The following SAMD12 variants were observed in gnomAD, a reference collection of about 807,000 sequenced individuals.
The protein encoded by SAMD12 is sterile alpha motif domain-containing protein 12.
Under a neutral mutation model 15.0 loss-of-function variants are expected in SAMD12, and 9 were observed. The observed-to-expected ratio is 0.60, with a 90% CI of 0.36 to 1.05. SAMD12 has a LOEUF of 1.05. Among genes scored for constraint, SAMD12 ranks in the 50% least tolerant of loss-of-function variants. The pLI is 0.01. For synonymous variants in SAMD12, 86 were observed against 90.1 expected (o/e 0.96, Z 0.25); for missense variants, 230 against 234.2 (o/e 0.98, Z 0.12).
intron 2 of SAMD12, among the ~76,000 whole-genome samples, chr8:118,473,690 T>C (rs1823873606): frequency 6.6e-6 from 1 of 152,208 alleles, no homozygotes; most frequent in Non-Finnish European, 1.5e-5. Flanking sequence ...CGACTCATCA[T>C]GCACCTTCAC....
chr8:118,316,689 ACTCT>A (rs1263107733), intron 4 of SAMD12, among the ~76,000 whole-genome samples: 1 of 151,840 alleles, frequency 6.6e-6, no homozygotes, highest in East Asian at 1.9e-4. Flanking sequence ...GCACTGGGAG[ACTCT>A]ACTAAAGCTG....
At chr8:118,168,464 A>T in the SAMD12 span, among the ~76,000 whole-genome samples, 2 of 152,352 alleles carry the variant, frequency 1.3e-5, no homozygotes, top group East Asian at 1.9e-4. Flanking sequence ...GTTTATTAAA[A>T]GTTTAGTGAA....
At chr8:118,498,773 T>C (rs1452470570) in intron 2 of SAMD12, among the ~76,000 whole-genome samples, 1 of 152,236 alleles carries the variant, frequency 6.6e-6, no homozygotes, top group Non-Finnish European at 1.5e-5. Flanking sequence ...ATATGTTTAC[T>C]CATTCACCCA....
chr8:118,180,651 C>G, the SAMD12 span, among the ~76,000 whole-genome samples: 1 of 152,120 alleles, frequency 6.6e-6, no homozygotes, highest in Admixed American at 6.5e-5. Flanking sequence ...TGGCTCACTG[C>G]AACCTCCGCC....
At chr8:118,178,453 GT>G in the SAMD12 span, among the ~76,000 whole-genome samples, 5 of 151,804 alleles carry the variant, frequency 3.3e-5, no homozygotes, top group East Asian at 1.9e-4. Flanking sequence ...CAAACACTAG[GT>G]TTTTTTTAAA....
At chr8:118,569,215 A>G (rs1300637757) in intron 2 of SAMD12, among the ~76,000 whole-genome samples, 1 of 152,172 alleles carries the variant, frequency 6.6e-6, no homozygotes, top group Non-Finnish European at 1.5e-5. Context: ...TCTACTCTTG[A>G]CCTCATATTA....
chr8:118,570,182 G>A (rs536165771), intron 2 of SAMD12, among the ~76,000 whole-genome samples: 1 of 152,194 alleles, frequency 6.6e-6, no homozygotes, highest in South Asian at 2.1e-4. Flanking sequence ...GAGGGTAGCA[G>A]AAGTCATAGG....
At chr8:118,241,822 T>C (rs535272243) in intron 4 of SAMD12, among the ~76,000 whole-genome samples, 2 of 152,310 alleles carry the variant, frequency 1.3e-5, no homozygotes, top group East Asian at 3.9e-4. Flanking sequence ...ATTCCAGTTA[T>C]AAGAAATTCC....
chr8:118,138,581 C>T, the SAMD12 span, among the ~76,000 whole-genome samples: 1 of 152,110 alleles, frequency 6.6e-6, no homozygotes, highest in African/African-American at 2.4e-5. Context: ...TCCCAGCATC[C>T]GGATGTATGA....
At chr8:118,327,550 G>A (rs1286492512) in intron 4 of SAMD12, among the ~76,000 whole-genome samples, 1 of 152,140 alleles carries the variant, frequency 6.6e-6, no homozygotes, top group African/African-American at 2.4e-5. Context: ...AAATGTCGAG[G>A]AAGAGGGGAA....
chr8:118,258,779 G>C (rs1255480260), intron 4 of SAMD12, among the ~76,000 whole-genome samples: 1 of 152,106 alleles, frequency 6.6e-6, no homozygotes, highest in African/African-American at 2.4e-5. Context: ...AGTCGATATA[G>C]GTAACACCAT....
exon 5 of SAMD12, chr8:118,191,607 G>A (rs1205596591): frequency 2.0e-5 from 3 of 151,020 alleles, no homozygotes; most frequent in Non-Finnish European, 4.4e-5. Flanking sequence ...CAGCTGGTAT[G>A]TGGGAAAACA....
chr8:118,566,161 C>T (rs1263568445), intron 2 of SAMD12, among the ~76,000 whole-genome samples: 1 of 152,184 alleles, frequency 6.6e-6, no homozygotes, highest in Non-Finnish European at 1.5e-5. Context: ...CATTCTGAGC[C>T]ATCTGGAAAC....
chr8:118,270,451 C>A (rs755606227), intron 4 of SAMD12, among the ~76,000 whole-genome samples: 2 of 152,186 alleles, frequency 1.3e-5, no homozygotes, highest in Non-Finnish European at 2.9e-5. Context: ...CCAGCAATAT[C>A]ATTACCATCC....
intron 2 of SAMD12, among the ~76,000 whole-genome samples, chr8:118,440,690 ACACACAAAC>A (rs1563861833): frequency 0.013 from 1,881 of 146,056 alleles, 29 homozygotes; most frequent in African/African-American, 0.046. Flanking sequence ...ACACACACAC[ACACACAAAC>A]ACACACACAC....
intron 2 of SAMD12, among the ~76,000 whole-genome samples, chr8:118,521,788 T>C (rs552046687): frequency 6.6e-6 from 1 of 152,318 alleles, no homozygotes; most frequent in Non-Finnish European, 1.5e-5. Flanking sequence ...AATGTCATAT[T>C]ACTGCAGCCA....
intron 4 of SAMD12, among the ~76,000 whole-genome samples, chr8:118,296,949 G>A (rs1417611366): frequency 6.6e-6 from 1 of 152,210 alleles, no homozygotes; most frequent in Non-Finnish European, 1.5e-5. Flanking sequence ...TAGAATGAAT[G>A]ACATTCTGGT....
intron 2 of SAMD12, among the ~76,000 whole-genome samples, chr8:118,460,827 G>T (rs1171737581): frequency 6.6e-6 from 1 of 152,096 alleles, no homozygotes; most frequent in African/African-American, 2.4e-5. Flanking sequence ...TGCTTGGCTG[G>T]GTACTGGTGA....
chr8:118,236,983 T>C (rs1244358461), intron 4 of SAMD12, among the ~76,000 whole-genome samples: 2 of 152,110 alleles, frequency 1.3e-5, no homozygotes, highest in African/African-American at 4.8e-5. Context: ...CTCTGCCACC[T>C]CTGAACTGTG....
Sources: allele counts gnomAD v4.1 joint callset (sites outside exome capture counted in the v4.1 genomes callset), GRCh38; gene constraint gnomAD v4.1.1; transcripts MANE v1.5; gene names NCBI Gene and HGNC (gene_info 2026-07-23, HGNC 2026-07-21).